The following ZNF407 variants were observed in gnomAD, a reference collection of about 807,000 sequenced individuals.
ZNF407 encodes the protein zinc finger protein 407.
A neutral mutation model predicts 131.2 loss-of-function variants in ZNF407; 17 were observed. That is an observed-to-expected ratio of 0.13 (90% CI 0.09 to 0.19). ZNF407 has a LOEUF of 0.19. ZNF407 is among the 10% of genes least tolerant of loss of function. ZNF407 has a pLI of 1.00. For synonymous variants in ZNF407, 1,156 were observed against 1,062.0 expected, an observed-to-expected ratio of 1.09 and a Z score of -1.72; for missense variants, 2,681 against 2,830.6, an observed-to-expected ratio of 0.95 and a Z score of 1.20.
At chr18:74,861,784 TC>T (rs1970941052) in intron 4 of ZNF407, among the ~76,000 whole-genome samples, 1 of 152,204 alleles carries the variant, frequency 6.6e-6, no homozygotes, top group Admixed American at 6.5e-5. Flanking sequence ...TTCATGTTTT[TC>T]ATTTAAAAAA....
At chr18:74,651,068 T>C (rs1294742446) in intron 3 of ZNF407, among the ~76,000 whole-genome samples, 1 of 152,152 alleles carries the variant, frequency 6.6e-6, no homozygotes. Flanking sequence ...CATTTAAGTC[T>C]TTCTGGGTTG....
At chr18:74,845,043 C>T (rs1970683492) in intron 4 of ZNF407, among the ~76,000 whole-genome samples, 1 of 152,168 alleles carries the variant, frequency 6.6e-6, no homozygotes, top group Non-Finnish European at 1.5e-5. Context: ...CATCTGTGAC[C>T]CACATAAAGA....
intron 3 of ZNF407, among the ~76,000 whole-genome samples, chr18:74,714,619 C>A (rs1326737749): frequency 6.6e-6 from 1 of 152,104 alleles, no homozygotes; most frequent in African/African-American, 2.4e-5. Flanking sequence ...ATGATGCTTT[C>A]AACTTTATTT....
At chr18:74,655,301 T>A (rs995823493) in intron 3 of ZNF407, among the ~76,000 whole-genome samples, 6 of 152,190 alleles carry the variant, frequency 3.9e-5, no homozygotes, top group Admixed American at 2.0e-4. Flanking sequence ...CACACAAATA[T>A]ACATATATAT....
intron 4 of ZNF407, among the ~76,000 whole-genome samples, chr18:74,807,622 T>C (rs1225656373): frequency 6.6e-6 from 1 of 152,190 alleles, no homozygotes; most frequent in Non-Finnish European, 1.5e-5. Context: ...AGTAAAGTAA[T>C]ATTTGTACCA....
chr18:74,963,102 C>A (rs1972366960), intron 8 of ZNF407, among the ~76,000 whole-genome samples: 1 of 151,700 alleles, frequency 6.6e-6, no homozygotes, highest in Non-Finnish European at 1.5e-5. Context: ...TCCAATCGCA[C>A]TTTCTTTAGC....
chr18:74,970,436 A>G (rs1972459599), intron 8 of ZNF407, among the ~76,000 whole-genome samples: 1 of 152,212 alleles, frequency 6.6e-6, no homozygotes, highest in African/African-American at 2.4e-5. Flanking sequence ...CAAGCTAATT[A>G]CTTCCTAGAT....
intron 4 of ZNF407, among the ~76,000 whole-genome samples, chr18:74,854,141 CT>C (rs1314951782): frequency 7.2e-5 from 11 of 152,140 alleles, no homozygotes; most frequent in Admixed American, 6.6e-5. Context: ...GTATCCACCC[CT>C]GGGGACAGGT....
chr18:74,897,647 A>G (rs1447803107), intron 7 of ZNF407, among the ~76,000 whole-genome samples: 4 of 152,182 alleles, frequency 2.6e-5, no homozygotes, highest in African/African-American at 9.7e-5. Flanking sequence ...TTTTTTGGGC[A>G]ATAGTCTCTT....
chr18:75,054,442 A>G (rs779028629), intron 8 of ZNF407, among the ~76,000 whole-genome samples: 5 of 152,244 alleles, frequency 3.3e-5, no homozygotes, highest in African/African-American at 9.6e-5. Flanking sequence ...AAATATAAAC[A>G]TGACTACAAA....
intron 4 of ZNF407, among the ~76,000 whole-genome samples, chr18:74,805,190 T>G (rs1006235727): frequency 1.3e-5 from 2 of 152,242 alleles, no homozygotes; most frequent in African/African-American, 4.8e-5. Flanking sequence ...TTCCTTTTTC[T>G]TTTTACTTGG....
intron 3 of ZNF407, among the ~76,000 whole-genome samples, chr18:74,755,716 T>C (rs1341004870): frequency 5.6e-5 from 5 of 88,696 alleles, no homozygotes; most frequent in Non-Finnish European, 1.1e-4. Flanking sequence ...AGCCTGCCTC[T>C]CTTCTTTCTT....
chr18:74,668,320 C>T (rs1469868192), intron 3 of ZNF407, among the ~76,000 whole-genome samples: 2 of 151,786 alleles, frequency 1.3e-5, no homozygotes, highest in African/African-American at 4.8e-5. Flanking sequence ...TCCAAGATAC[C>T]GATATATCTT....
At chr18:74,683,714 A>G (rs1305217541) in intron 3 of ZNF407, among the ~76,000 whole-genome samples, 1 of 152,192 alleles carries the variant, frequency 6.6e-6, no homozygotes, top group East Asian at 1.9e-4. Context: ...TCTGTTGAGA[A>G]TGATCCTTAT....
At chr18:75,009,791 G>T (rs1355627493) in intron 8 of ZNF407, among the ~76,000 whole-genome samples, 1 of 152,150 alleles carries the variant, frequency 6.6e-6, no homozygotes, top group Non-Finnish European at 1.5e-5. Context: ...AACCTATTCA[G>T]GTTGATTCCA....
intron 4 of ZNF407, among the ~76,000 whole-genome samples, chr18:74,863,694 G>A (rs1970969724): frequency 6.6e-6 from 1 of 152,102 alleles, no homozygotes; most frequent in African/African-American, 2.4e-5. Flanking sequence ...TTTTACTGAA[G>A]ATAACAACTC....
rs1402608187 is a variant in ZNF407, at chr18:74,623,397, AGAGC to A, written c.-53-7566_-53-7563del. 7.9e-5 allele frequency among the ~76,000 whole-genome samples: 12 copies of A among 152,276 alleles called. No individual in the cohort carries two copies. In the East Asian group the frequency reaches 2.1e-3, roughly 27 times the overall value. ...TTGGGTGTGTGCACATGAGGGCGGC[AGAGC>A]GAGAGCTGCAGCTCGCTTCGTAGAT... On this transcript the variant is annotated intron_variant, in intron 1 of 8. Transcript: ENST00000299687.
At chr18:74,679,551 T>C (rs985031707) in intron 3 of ZNF407, among the ~76,000 whole-genome samples, 1 of 152,242 alleles carries the variant, frequency 6.6e-6, no homozygotes, top group Admixed American at 6.5e-5. Context: ...CCACTGAGGT[T>C]TCTTTTAATG....
chr18:74,970,161 A>G (rs920752986), intron 8 of ZNF407, among the ~76,000 whole-genome samples: 1 of 151,222 alleles, frequency 6.6e-6, no homozygotes, highest in Non-Finnish European at 1.5e-5. Flanking sequence ...TGATTCAATC[A>G]CCCCCGCCCC....
Sources: allele counts gnomAD v4.1 joint callset (sites outside exome capture counted in the v4.1 genomes callset), GRCh38; gene constraint gnomAD v4.1.1; transcripts MANE v1.5; gene names NCBI Gene and HGNC (gene_info 2026-07-23, HGNC 2026-07-21).